SPOP: variants seen among roughly 807,000 people sequenced by gnomAD.
SPOP encodes speckle type BTB/POZ protein, also known as speckle-type POZ protein.
In SPOP, 11 loss-of-function variants were observed where a neutral mutation model predicts 45.6. The ratio of observed to expected loss-of-function variants is 0.24; its 90% CI spans 0.15 to 0.40. The LOEUF (loss-of-function observed/expected upper bound fraction) is 0.40, where lower values mean the gene tolerates loss of function less well. SPOP is among the 10% of genes least tolerant of loss of function. The pLI, the probability that SPOP is intolerant of heterozygous loss-of-function variation, is 1.00. For synonymous variants in SPOP, 166 were observed against 166.3 expected (o/e 1.00, Z 0.01); for missense variants, 152 against 465.6 (o/e 0.33, Z 6.20).
At chr17:49,630,313 ATC>A (rs1186413072) in intron 1 of SPOP, among the ~76,000 whole-genome samples, 1 of 152,198 alleles carries the variant, frequency 6.6e-6, no homozygotes, top group Non-Finnish European at 1.5e-5. Flanking sequence ...CCAGGAGGTA[ATC>A]TTTTCTTTCT....
chr17:49,635,755 C>T (rs1450557617), intron 1 of SPOP, among the ~76,000 whole-genome samples: 2 of 151,600 alleles, frequency 1.3e-5, no homozygotes, highest in Non-Finnish European at 2.9e-5. Flanking sequence ...CCACCTCAGC[C>T]TCCCGAGTAG....
chr17:49,651,675 A>G (rs947371720), intron 1 of SPOP, among the ~76,000 whole-genome samples: 2 of 152,212 alleles, frequency 1.3e-5, no homozygotes, highest in African/African-American at 2.4e-5. Context: ...TCAAATTATT[A>G]CCAAATATTT....
At chr17:49,668,709 A>G (rs1053589995) in intron 1 of SPOP, among the ~76,000 whole-genome samples, 1 of 151,964 alleles carries the variant, frequency 6.6e-6, no homozygotes, top group African/African-American at 2.4e-5. Flanking sequence ...TGTTTAAGAT[A>G]TACATATATA....
At chr17:49,676,876 C>T (rs2073205872) in intron 1 of SPOP, among the ~76,000 whole-genome samples, 1 of 152,192 alleles carries the variant, frequency 6.6e-6, no homozygotes, top group Non-Finnish European at 1.5e-5. Context: ...TTTTTGTTAT[C>T]TGCCAACGTG....
intron 5 of SPOP, 77 bp from the exon 6 acceptor site, chr17:49,611,534 T>C: frequency 7.6e-7 from 1 of 1,317,046 alleles, no homozygotes; most frequent in Non-Finnish European, 1.1e-6. Flanking sequence ...GACTTTTACC[T>C]AACTGCTGTA....
chr17:49,674,627 CTAGAT>C (rs2073177400), intron 1 of SPOP, among the ~76,000 whole-genome samples: 1 of 152,204 alleles, frequency 6.6e-6, no homozygotes, highest in African/African-American at 2.4e-5. Context: ...CCTCAACTAA[CTAGAT>C]TAGCTTTTCA....
intron 1 of SPOP, among the ~76,000 whole-genome samples, chr17:49,630,784 T>TA (rs1431219596): frequency 6.6e-6 from 1 of 152,108 alleles, no homozygotes; most frequent in Non-Finnish European, 1.5e-5. Flanking sequence ...ACACTGCACC[T>TA]ATAGGGGGAT....
chr17:49,611,669 A>G (rs574484136), intron 5 of SPOP, among the ~76,000 whole-genome samples: 1 of 152,290 alleles, frequency 6.6e-6, no homozygotes, highest in Admixed American at 6.5e-5. Flanking sequence ...ATCTCAGGAC[A>G]ATAGGAAGAG....
At chr17:49,636,304 A>C (rs895374315) in intron 1 of SPOP, 1 of 152,158 alleles carries the variant, frequency 6.6e-6, no homozygotes, top group African/African-American at 2.4e-5. Flanking sequence ...GACCTTCCTG[A>C]AGAACTTTTC....
chr17:49,666,448 G>GACACACACAC (rs36210011), intron 1 of SPOP, among the ~76,000 whole-genome samples: 6 of 142,012 alleles, frequency 4.2e-5, no homozygotes, highest in Admixed American at 7.1e-5. Context: ...CATGAAGACA[G>GACACACACAC]ACACACACAC....
chr17:49,606,483 T>G (rs2071848846), intron 8 of SPOP, among the ~76,000 whole-genome samples: 1 of 137,202 alleles, frequency 7.3e-6, no homozygotes, highest in Admixed American at 7.7e-5. Flanking sequence ...TGTTTTTTCT[T>G]GTTTCTTTTT....
At chr17:49,604,418 C>T (rs566850581) in intron 8 of SPOP, among the ~76,000 whole-genome samples, 1 of 152,184 alleles carries the variant, frequency 6.6e-6, no homozygotes, top group Non-Finnish European at 1.5e-5. Flanking sequence ...CCTCCACATA[C>T]ACTCCAAAAG....
chr17:49,635,848 G>A (rs1054253046), intron 1 of SPOP, among the ~76,000 whole-genome samples: 1 of 151,824 alleles, frequency 6.6e-6, no homozygotes, highest in African/African-American at 2.4e-5. Flanking sequence ...TGGCCAGGCT[G>A]GTCTCAAACT....
At chr17:49,632,522 C>A (rs534299568) in intron 1 of SPOP, among the ~76,000 whole-genome samples, 1 of 150,620 alleles carries the variant, frequency 6.6e-6, no homozygotes, top group Non-Finnish European at 1.5e-5. Flanking sequence ...GACAGAGTTT[C>A]ATTCTTGTTG....
intron 1 of SPOP, among the ~76,000 whole-genome samples, chr17:49,641,805 T>C (rs1041391050): frequency 1.3e-5 from 2 of 152,104 alleles, no homozygotes; most frequent in Non-Finnish European, 2.9e-5. Context: ...GTGGATCACC[T>C]GAGGTGAGGA....
intron 1 of SPOP, among the ~76,000 whole-genome samples, chr17:49,664,339 T>G (rs1300516819): frequency 2.0e-5 from 3 of 152,244 alleles, no homozygotes; most frequent in Non-Finnish European, 4.4e-5. Context: ...TATGAAAATC[T>G]AGCTGCCTTC....
At chr17:49,612,173 T>C (rs1056892154) in intron 5 of SPOP, among the ~76,000 whole-genome samples, 1 of 152,228 alleles carries the variant, frequency 6.6e-6, no homozygotes, top group South Asian at 2.1e-4. Flanking sequence ...CATGAGCCAC[T>C]GCACCTCGCC....
At chr17:49,617,968 C>T (rs1420405030) in intron 5 of SPOP, among the ~76,000 whole-genome samples, 10 of 151,622 alleles carry the variant, frequency 6.6e-5, no homozygotes, top group Admixed American at 6.6e-4. Flanking sequence ...CATAAGCCTG[C>T]TACCGACCGC....
chr17:49,608,670 T>C (rs1355721833), intron 6 of SPOP, among the ~76,000 whole-genome samples: 1 of 152,140 alleles, frequency 6.6e-6, no homozygotes, highest in East Asian at 1.9e-4. Flanking sequence ...TCTAGTCCAA[T>C]GAACACCATG....
Sources: gnomAD v4.1 joint callset for allele counts (sites outside exome capture counted in the v4.1 genomes callset) on GRCh38, gnomAD v4.1.1 for gene constraint, MANE v1.5 for transcripts, NCBI Gene and HGNC (gene_info 2026-07-23, HGNC 2026-07-21) for gene names.